The following SPC24 variants were observed in gnomAD, a reference collection of about 807,000 sequenced individuals.
The protein encoded by SPC24 is kinetochore protein Spc24.
A neutral mutation model predicts 27.6 loss-of-function variants in SPC24; 31 were observed. That is an observed-to-expected ratio of 1.12 (90% CI 0.84 to 1.52). The LOEUF (loss-of-function observed/expected upper bound fraction) is 1.52, where lower values mean the gene tolerates loss of function less well. Among genes scored for constraint, SPC24 ranks in the 40% most tolerant of loss-of-function variants. SPC24 has a pLI of 0.00. For synonymous variants in SPC24, 105 were observed against 105.8 expected, an observed-to-expected ratio of 0.99 and a Z score of 0.05; for missense variants, 284 against 252.5, an observed-to-expected ratio of 1.12 and a Z score of -0.84.
chr19:11,146,948 C>CGG lies in SPC24; in HGVS notation c.*234_*235insCC, dbSNP rs1568629840. 1 of 263,904 alleles carries CGG rather than the reference C, an allele frequency of 3.8e-6. No homozygotes were observed. 16.3% of individuals were successfully genotyped at this position (263,904 alleles called of 1,614,324 possible). On this transcript the variant is annotated 3_prime_UTR_variant, in exon 5 of 5. Coordinates refer to ENST00000592540, the MANE Select transcript of SPC24 (RefSeq NM_182513.4). ...ACAAAAAATTAGCTGGGTGTGGTGG[C>CGG]GCATGCCTGTAATCCCAGCTACTTT...
In SPC24 at chr19:11,147,207, C is replaced by A; in HGVS notation, c.570G>T (p.Trp190Cys). The change falls in exon 5 of 5, where the codon TGG becomes TGT. Residue 190 changes from tryptophan (W) to cysteine (C), a missense_variant. Physicochemically the swap from Trp to Cys is radical, Grantham distance 215 (BLOSUM62 -2). Transcript: ENST00000592540. ...LSRKFISDYL[W>C]SLVDTEW The stretch of plus-strand genomic sequence containing the variant: ...GCTACCACTCGGTGTCCACCAGACT[C>A]CAGAGGTAGTCGCTGATGAATTTCC... 1 of 1,555,490 alleles carries A rather than the reference C, an allele frequency of 6.4e-7. No individual in the cohort carries two copies. Among genetic ancestry groups the A allele is most frequent in the African/African-American group, 1.4e-5 (1 of 73,432 alleles).
At chr19:11,154,450 G>A (rs1347192412) in intron 1 of SPC24, among the ~76,000 whole-genome samples, 1 of 151,988 alleles carries the variant, frequency 6.6e-6, no homozygotes, top group Non-Finnish European at 1.5e-5. Flanking sequence ...GAGGTGGGAG[G>A]ATCACTTAAG....
In SPC24 at chr19:11,147,256, T is replaced by A; in HGVS notation, c.521A>T (p.His174Leu). 1 of 1,567,190 alleles carries A rather than the reference T, an allele frequency of 6.4e-7. No homozygotes were observed. Among genetic ancestry groups the A allele is most frequent in the Non-Finnish European group, 8.7e-7 (1 of 1,155,346 alleles). ...HHGPSVAQPI[H>L]LDSTQLSRKF... ...CCTGGAGAGCTGGGTGCTGTCCAGG[T>A]GGATGGGCTGGGCCACACTGGGGCC... Residue 174 changes from histidine to leucine, a missense_variant, in exon 5 of 5, where the codon CAC (histidine) becomes CTC (leucine). His to Leu is a moderately conservative substitution (Grantham distance 99). Coordinates refer to ENST00000592540, the MANE Select transcript of SPC24 (RefSeq NM_182513.4).
rs2077838397 is a variant in SPC24 at position 11,147,850 on chromosome 19, TCC to T, written c.453_454del (p.Trp151Ter). 4.4e-6 allele frequency: 7 copies of T among 1,601,176 alleles called. No individual in the cohort carries two copies. The highest frequency in any genetic ancestry group is 5.9e-6 in the Non-Finnish European group (7 of 1,178,172). ...GACCATCCCTGGCTCACACTCATAATCCCACTCAATTTTACTAACTTGGTGGT... is the reference window on the plus strand; with the variant it reads ...GACCATCCCTGGCTCACACTCATAATCACTCAATTTTACTAACTTGGTGGT... On this transcript the variant is annotated stop_gained and frameshift_variant, in exon 4 of 5. Transcript: ENST00000592540. LOFTEE classifies it high-confidence loss of function.
chr19:11,146,481 A>AAAAAAAAAAAAC lies in SPC24; in HGVS notation c.*701_*702insGTTTTTTTTTTT, dbSNP rs2077824422. ...GAAATCCAGTAAAAAAAAAAAAAAAAAAGGCCAGGCGCGGTGACTCACACC... is the reference window on the plus strand; with the variant it reads ...GAAATCCAGTAAAAAAAAAAAAAAAAAAAAAAAAAAACAAGGCCAGGCGCGGTGACTCACACC... On this transcript the variant is annotated 3_prime_UTR_variant, in exon 5 of 5. Transcript: ENST00000592540. The AAAAAAAAAAAAC allele has an allele frequency of 6.8e-6, 1 of 147,014 alleles. No homozygotes were observed. The highest frequency in any genetic ancestry group is 1.5e-5 in the Non-Finnish European group (1 of 66,838). The allele number at this position is 147,014 out of a possible 1,614,324, so 9.1% of individuals were successfully genotyped here.
intron 4 of SPC24, 145 bp from the exon 5 acceptor site, chr19:11,147,434 C>G: frequency 1.7e-6 from 1 of 598,088 alleles, no homozygotes; most frequent in South Asian, 2.0e-5. Flanking sequence ...GATCTCGGCT[C>G]ATTGCAACCT....
intron 1 of SPC24, among the ~76,000 whole-genome samples, chr19:11,153,725 A>T (rs1033279063): frequency 4.1e-5 from 6 of 145,992 alleles, no homozygotes; most frequent in African/African-American, 1.5e-4. Context: ...ACGCTGCTGT[A>T]CTCCAGCCTG....
At chr19:11,153,481 G>A (rs2077888232) in intron 1 of SPC24, among the ~76,000 whole-genome samples, 1 of 152,034 alleles carries the variant, frequency 6.6e-6, no homozygotes, top group Non-Finnish European at 1.5e-5. Flanking sequence ...AGAGTCTTGG[G>A]CTGGGCGCAG....
In SPC24 at chr19:11,146,581, T is replaced by C. The variant is rs74180170; in HGVS notation, c.*602A>G. On this transcript the variant is annotated 3_prime_UTR_variant, in exon 5 of 5. Transcript: ENST00000592540. ...GAGATGGAGACCATCCTGTCTAACATGGTGAAACCCCGTCTCTACTAAAAA... is the reference window on the plus strand; with the variant it reads ...GAGATGGAGACCATCCTGTCTAACACGGTGAAACCCCGTCTCTACTAAAAA... 40,186 of 145,596 alleles carry C rather than the reference T, an allele frequency of 0.28. 5,977 individuals are homozygous for C. Among genetic ancestry groups the C allele is most frequent in the Non-Finnish European group, 0.34 (23,020 of 67,150 alleles). The allele number at this position is 145,596 out of a possible 1,614,324, so 9.0% of individuals were successfully genotyped here.
chr19:11,155,503 G>A, intron 1 of SPC24, 114 bp downstream of exon 1: 1 of 1,265,342 alleles, frequency 7.9e-7, no homozygotes, highest in African/African-American at 1.6e-5. Context: ...AGGGGGCATA[G>A]GGCAGGAGAT....
At chr19:11,153,959 A>G (rs2077892663) in intron 1 of SPC24, among the ~76,000 whole-genome samples, 1 of 151,830 alleles carries the variant, frequency 6.6e-6, no homozygotes, top group Non-Finnish European at 1.5e-5. Flanking sequence ...CTGTAGTCCC[A>G]GCTACTCGGG....
At chr19:11,148,149 G>C (rs201353655) in intron 2 of SPC24, 32 bp from the exon 3 acceptor site, 1 of 1,499,082 alleles carries the variant, frequency 6.7e-7, no homozygotes, top group Non-Finnish European at 9.3e-7. Context: ...CCCGGCTTTC[G>C]AGAGAGGGCT....
chr19:11,150,335 A>AC (rs1660333554), intron 1 of SPC24, among the ~76,000 whole-genome samples: 1 of 151,900 alleles, frequency 6.6e-6, no homozygotes, highest in South Asian at 2.1e-4. Flanking sequence ...AAAAATACAA[A>AC]ATTAGCTGGG....
Position 11,148,046 on chromosome 19 carries a change from T to C in SPC24, c.377A>G (p.Asp126Gly). ...GGGGATTGTGACTGTCGTGTCCTCG[T>C]CGACCTCCTTCTCCTGTCGCTCCAG... Reference protein sequence around the residue: ...ADLERQEKEVDEDTTVTIPSA... With the variant: ...ADLERQEKEVGEDTTVTIPSA... Residue 126 changes from aspartate (D) to glycine (G), a missense_variant, in exon 3 of 5, where the codon GAC becomes GGC. Coordinates refer to ENST00000592540, the MANE Select transcript of SPC24 (RefSeq NM_182513.4). 1 of 1,613,784 alleles carries C rather than the reference T, an allele frequency of 6.2e-7. No individual in the cohort carries two copies. The highest frequency in any genetic ancestry group is 8.5e-7 in the Non-Finnish European group (1 of 1,179,850).
intron 1 of SPC24, among the ~76,000 whole-genome samples, chr19:11,151,817 C>T (rs928115416): frequency 2.0e-5 from 3 of 151,932 alleles, no homozygotes; most frequent in East Asian, 1.9e-4. Context: ...ACCATGTTGG[C>T]CAGGCTGGTC....
Position 11,146,465 on chromosome 19 carries a change from T to TTAAAAAAAAAAA in SPC24, c.*717_*718insTTTTTTTTTTTA, listed in dbSNP as rs750052220. Reference sequence around the variant, plus strand: ...AAAATCAGGAGAAAAAGAAATCCAGTAAAAAAAAAAAAAAAAAAGGCCAGG... The same window carrying TTAAAAAAAAAAA: ...AAAATCAGGAGAAAAAGAAATCCAGTTAAAAAAAAAAAAAAAAAAAAAAAAAAAAAGGCCAGG... On this transcript the variant is annotated 3_prime_UTR_variant, in exon 5 of 5. Coordinates refer to ENST00000592540, the MANE Select transcript of SPC24 (RefSeq NM_182513.4). 12 of 43,096 alleles carry TTAAAAAAAAAAA rather than the reference T, an allele frequency of 2.8e-4. 1 individual carries two copies. Among genetic ancestry groups the TTAAAAAAAAAAA allele is most frequent in the East Asian group, 3.0e-3 (2 of 664 alleles). The allele number at this position is 43,096 out of a possible 1,614,324, so 2.7% of individuals were successfully genotyped here.
Position 11,149,117 on chromosome 19 carries a change from G to C in SPC24, c.282C>G (p.Asp94Glu). 6.5e-7 allele frequency: 1 copy of C among 1,546,044 alleles called. No individual in the cohort carries two copies. ...ATAGGAGGCTGGCCTTCAGACGGGT[G>C]TCCTCCTCCCCAGCCTCCTGAAGCC... ...EAGLQEAGEE[D>E]TRLKASLLQL... is the part of the protein sequence containing the mutation. The change falls in exon 2 of 5, where the codon GAC becomes GAG. Residue 94 changes from aspartate to glutamate, a missense_variant. By Grantham distance (45) the Asp-to-Glu change is conservative. Transcript: ENST00000592540.
Position 11,147,384 on chromosome 19 carries a change from A to C in SPC24, c.488-95T>G, listed in dbSNP as rs1434153709. 3.6e-6 allele frequency: 3 copies of C among 823,210 alleles called. No individual in the cohort carries two copies. The South Asian group carries it at 5.2e-5, about 14-fold the overall frequency. The allele number at this position is 823,210 out of a possible 1,614,324, so 51.0% of individuals were successfully genotyped here. The stretch of plus-strand genomic sequence containing the variant: ...TGCCTTTACTTTTTTTTTTTGAGAC[A>C]AAGTTTCATTCTGTAGGCCAGGCTG... On this transcript the variant is annotated intron_variant, in intron 4 of 4. Transcript: ENST00000592540.
chr19:11,150,891 C>T (rs905695803), intron 1 of SPC24, among the ~76,000 whole-genome samples: 2 of 151,864 alleles, frequency 1.3e-5, no homozygotes, highest in African/African-American at 4.8e-5. Flanking sequence ...AGGCCAGGCG[C>T]GGTGGCTCAT....
Sources: allele counts gnomAD v4.1 joint callset (sites outside exome capture counted in the v4.1 genomes callset), GRCh38; gene constraint gnomAD v4.1.1; transcripts MANE v1.5; gene names NCBI Gene and HGNC (gene_info 2026-07-23, HGNC 2026-07-21).